The following POLD3 variants were observed in gnomAD, a reference collection of about 807,000 sequenced individuals.
POLD3 encodes the protein DNA polymerase delta subunit 3.
A neutral mutation model predicts 58.2 loss-of-function variants in POLD3; 19 were observed. The observed-to-expected ratio is 0.33, with a 90% CI of 0.23 to 0.48. The LOEUF (loss-of-function observed/expected upper bound fraction) is 0.48. Ranked by LOEUF, POLD3 falls within the 20% of genes least tolerant of loss-of-function variation. POLD3 has a pLI of 0.99. For synonymous variants in POLD3, 172 were observed against 193.5 expected, an observed-to-expected ratio of 0.89 and a Z score of 0.92; for missense variants, 504 against 545.5, an observed-to-expected ratio of 0.92 and a Z score of 0.76.
intron 2 of POLD3, chr11:74,595,131 C>T (rs1369462794): frequency 6.7e-6 from 1 of 149,016 alleles, no homozygotes; most frequent in Non-Finnish European, 1.5e-5. Context: ...AACACTAACA[C>T]TGTTTTTTCC....
At chr11:74,598,699 G>A (rs72977287) in intron 2 of POLD3, among the ~76,000 whole-genome samples, 9 of 152,252 alleles carry the variant, frequency 5.9e-5, no homozygotes, top group Non-Finnish European at 1.3e-4. Context: ...GCTTGCATGT[G>A]GTCTATCTGT....
At chr11:74,610,178 C>T (rs573144001) in intron 3 of POLD3, among the ~76,000 whole-genome samples, 2 of 150,288 alleles carry the variant, frequency 1.3e-5, no homozygotes, top group Non-Finnish European at 3.0e-5. Context: ...ATTTCTTTTT[C>T]TGTGAACTGT....
intron 2 of POLD3, among the ~76,000 whole-genome samples, chr11:74,594,691 A>G (rs916519602): frequency 7.9e-5 from 12 of 152,314 alleles, no homozygotes; most frequent in African/African-American, 2.6e-4. Flanking sequence ...ATGAAGACAC[A>G]CCTGAGATTG....
At position 74,634,647 on chromosome 11, in the gene POLD3, A is replaced by G; in HGVS notation, c.1071A>G (p.Pro357=). 1 of 1,613,260 alleles carries G rather than the reference A, an allele frequency of 6.2e-7. No individual in the cohort carries two copies. The highest frequency in any genetic ancestry group is 8.5e-7 in the Non-Finnish European group (1 of 1,179,308). The change falls in exon 10 of 12, where the codon CCA becomes CCG. Residue 357 remains proline (P), a synonymous_variant. Transcript: ENST00000263681. The part of the protein sequence containing the change: ...ESPSPPPPPS[P]PLEPVPKTEP... ...CATCCCCACCTCCTCCTCCGTCTCCACCTCTTGAACCAGTGCCAAAGACTG... is the reference window on the plus strand; with the variant it reads ...CATCCCCACCTCCTCCTCCGTCTCCGCCTCTTGAACCAGTGCCAAAGACTG...
intron 2 of POLD3, among the ~76,000 whole-genome samples, chr11:74,602,242 C>T (rs7925556): frequency 0.23 from 34,885 of 151,980 alleles, 5,076 homozygotes; most frequent in South Asian, 0.38. Flanking sequence ...CCACACCTGG[C>T]GCTACTGAAA....
At chr11:74,612,816 T>G (rs1159686735) in intron 4 of POLD3, 62 bp from the exon 5 acceptor site, 1 of 1,476,868 alleles carries the variant, frequency 6.8e-7, no homozygotes, top group Non-Finnish European at 9.2e-7. Flanking sequence ...GGTTTCTTGT[T>G]AAAGTCCCCA....
intron 4 of POLD3, among the ~76,000 whole-genome samples, chr11:74,653,162 G>A (rs2033088782): frequency 6.6e-6 from 1 of 152,178 alleles, no homozygotes; most frequent in Admixed American, 6.5e-5. Flanking sequence ...CAAAAGTAAT[G>A]GCAGTTTTTG....
At chr11:74,616,704 G>T (rs2032090549) in intron 5 of POLD3, among the ~76,000 whole-genome samples, 1 of 152,194 alleles carries the variant, frequency 6.6e-6, no homozygotes, top group African/African-American at 2.4e-5. Context: ...ATCAGTGGAA[G>T]ATTTTTGGAG....
intron 4 of POLD3, among the ~76,000 whole-genome samples, chr11:74,650,477 T>C (rs1251670545): frequency 6.6e-6 from 1 of 152,220 alleles, no homozygotes; most frequent in East Asian, 1.9e-4. Flanking sequence ...GCCAAAGGTC[T>C]GAGTATGCAT....
intron 4 of POLD3, among the ~76,000 whole-genome samples, chr11:74,658,756 C>T (rs1261661141): frequency 6.6e-6 from 1 of 152,206 alleles, no homozygotes; most frequent in African/African-American, 2.4e-5. Context: ...ATCCAGCTCA[C>T]CCTGATGCAA....
chr11:74,610,295 C>T (rs1405986146), intron 3 of POLD3, among the ~76,000 whole-genome samples: 6 of 151,738 alleles, frequency 4.0e-5, no homozygotes, highest in African/African-American at 1.5e-4. Context: ...ACTGCAACCT[C>T]TGCCTCCCAG....
At chr11:74,664,063 A>T (rs1810427335) in intron 4 of POLD3, among the ~76,000 whole-genome samples, 1 of 152,182 alleles carries the variant, frequency 6.6e-6, no homozygotes, top group Non-Finnish European at 1.5e-5. Flanking sequence ...ATTCAGCAAA[A>T]TGTAAATGAA....
intron 3 of POLD3, among the ~76,000 whole-genome samples, chr11:74,610,767 C>T (rs1411057459): frequency 3.9e-5 from 6 of 151,940 alleles, no homozygotes; most frequent in Admixed American, 3.9e-4. Flanking sequence ...TTTTCATGTG[C>T]ATATATGTGT....
In POLD3 at chr11:74,593,093, G is replaced by A. The variant is rs774505251; in HGVS notation, c.60+375G>A. 1.7e-4 allele frequency: 164 copies of A among 993,204 alleles called. 3 individuals are homozygous for A. Among genetic ancestry groups the A allele is most frequent in the Admixed American group, 4.9e-5 (1 of 20,382 alleles). 61.5% of individuals were successfully genotyped at this position (993,204 alleles called of 1,614,324 possible). Reference sequence around the variant, plus strand: ...GTTGAGGAAATCGTGTCTTAACTGTGTTAAGTTACAAGTTGCGTAACCTCC... The same window carrying A: ...GTTGAGGAAATCGTGTCTTAACTGTATTAAGTTACAAGTTGCGTAACCTCC... On this transcript the variant is annotated intron_variant, in intron 1 of 11. Transcript: ENST00000263681.
At chr11:74,609,372 A>ATATATATAT (rs2031821525) in intron 3 of POLD3, among the ~76,000 whole-genome samples, 6 of 27,190 alleles carry the variant, frequency 2.2e-4, no homozygotes, top group African/African-American at 1.1e-3. Context: ...ATATATATAT[A>ATATATATAT]TTTTTTTTTT....
At chr11:74,656,359 C>T (rs1325668363) in intron 4 of POLD3, among the ~76,000 whole-genome samples, 2 of 152,096 alleles carry the variant, frequency 1.3e-5, no homozygotes, top group African/African-American at 4.8e-5. Context: ...GAGGCTGAGG[C>T]AGGTGGATCA....
chr11:74,651,883 A>G (rs902464431), intron 4 of POLD3, among the ~76,000 whole-genome samples: 1 of 152,208 alleles, frequency 6.6e-6, no homozygotes, highest in Non-Finnish European at 1.5e-5. Flanking sequence ...AATTCCTGTC[A>G]TTACAAAGGC....
intron 8 of POLD3, 63 bp from the exon 9 acceptor site, chr11:74,629,154 G>T (rs1009889866): frequency 2.2e-6 from 2 of 930,228 alleles, no homozygotes; most frequent in African/African-American, 1.7e-5. Context: ...ACCCATAAGA[G>T]CATGTGAATA....
downstream of POLD3, among the ~76,000 whole-genome samples, chr11:74,646,759 C>T (rs138235620): frequency 1.3e-5 from 2 of 152,294 alleles, no homozygotes; most frequent in East Asian, 1.9e-4. Context: ...GAAAAGTGGT[C>T]CTGGGGTGCT....
Sources: gnomAD v4.1 joint callset for allele counts (sites outside exome capture counted in the v4.1 genomes callset) on GRCh38, gnomAD v4.1.1 for gene constraint, MANE v1.5 for transcripts, NCBI Gene and HGNC (gene_info 2026-07-23, HGNC 2026-07-21) for gene names.